KRABD4: variants seen among roughly 807,000 people sequenced by gnomAD.
KRABD4 encodes KRAB domain containing 4.
the KRABD4 span, chrX:46,471,193 C>G: frequency 9.6e-6 from 11 of 1,150,388 alleles, no homozygotes; most frequent in Non-Finnish European, 8.1e-6. Flanking sequence ...TAGGTACATA[C>G]ACTTTTAGGA....
chrX:46,473,408 A>C, the KRABD4 span: 1 of 1,183,537 alleles, frequency 8.4e-7, no homozygotes, highest in Non-Finnish European at 1.1e-6. Context: ...ATTCATATGG[A>C]GAGAGACCCT....
chrX:46,460,310 A>C, the KRABD4 span, among the ~76,000 whole-genome samples: 1 of 109,371 alleles, frequency 9.1e-6, no homozygotes, highest in Non-Finnish European at 1.9e-5. Context: ...CTAGCTACTC[A>C]GGAGGCTGAG....
At chrX:46,457,359 G>C in the KRABD4 span, among the ~76,000 whole-genome samples, 1 of 111,742 alleles carries the variant, frequency 8.9e-6, no homozygotes, top group Non-Finnish European at 1.9e-5. Flanking sequence ...GAGGCTGAGA[G>C]AAAATACATG....
At chrX:46,473,625 C>G in the KRABD4 span, 1 of 348,282 alleles carries the variant, frequency 2.9e-6, no homozygotes, top group East Asian at 4.8e-5. Flanking sequence ...CTGTCCTGCT[C>G]TTTCCTGCTC....
chrX:46,460,141 CAGGCAA>C, the KRABD4 span, among the ~76,000 whole-genome samples: 1 of 112,117 alleles, frequency 8.9e-6, no homozygotes, highest in Non-Finnish European at 1.9e-5. Flanking sequence ...AAGGATATTA[CAGGCAA>C]AGCGCGGTGG....
At chrX:46,448,698 C>T in the KRABD4 span, 1 of 113,188 alleles carries the variant, frequency 8.8e-6, no homozygotes, top group Non-Finnish European at 1.9e-5. Context: ...GGCAGGTGCC[C>T]TGCTGTAGTG....
chrX:46,459,325 G>A, the KRABD4 span, among the ~76,000 whole-genome samples: 913 of 94,395 alleles, frequency 9.7e-3, 14 homozygotes, highest in African/African-American at 0.028. Flanking sequence ...AAAAAAAAAA[G>A]AAAAAAAAAA....
At chrX:46,450,823 C>T in the KRABD4 span, among the ~76,000 whole-genome samples, 1 of 106,662 alleles carries the variant, frequency 9.4e-6, no homozygotes, top group Non-Finnish European at 1.9e-5. Flanking sequence ...CTGCCTCAGC[C>T]TTCTGAGTAG....
the KRABD4 span, among the ~76,000 whole-genome samples, chrX:46,464,553 C>T: frequency 2.7e-5 from 3 of 112,416 alleles, no homozygotes; most frequent in Admixed American, 2.8e-4. Flanking sequence ...GAGATCCTCC[C>T]TGTGCTGGCA....
At chrX:46,473,940 A>G in the KRABD4 span, 1 of 121,245 alleles carries the variant, frequency 8.2e-6, no homozygotes, top group Non-Finnish European at 1.7e-5. Flanking sequence ...GGCATGAGCC[A>G]CTGCACCCGG....
chrX:46,471,953 A>C, the KRABD4 span: 1 of 111,936 alleles, frequency 8.9e-6, no homozygotes. Flanking sequence ...TGTAGACATA[A>C]GTTTTCAACT....
At chrX:46,463,954 C>T in the KRABD4 span, among the ~76,000 whole-genome samples, 1 of 109,699 alleles carries the variant, frequency 9.1e-6, no homozygotes, top group Non-Finnish European at 1.9e-5. Flanking sequence ...TTCTCAGACT[C>T]TTACAAATCT....
the KRABD4 span, among the ~76,000 whole-genome samples, chrX:46,457,732 T>G: frequency 2.0e-5 from 2 of 101,103 alleles, no homozygotes; most frequent in Non-Finnish European, 4.0e-5. Flanking sequence ...GGTTTTTGTT[T>G]TTTGTTTGTT....
chrX:46,471,780 C>T, the KRABD4 span, among the ~76,000 whole-genome samples: 1 of 112,216 alleles, frequency 8.9e-6, no homozygotes, highest in African/African-American at 3.2e-5. Flanking sequence ...GTTTAAGTTT[C>T]CTCCATGTCC....
chrX:46,449,455 T>C, the KRABD4 span, among the ~76,000 whole-genome samples: 1 of 112,435 alleles, frequency 8.9e-6, no homozygotes, highest in Admixed American at 9.4e-5. Flanking sequence ...TTTTAATTTT[T>C]GTTTTACTAG....
the KRABD4 span, among the ~76,000 whole-genome samples, chrX:46,447,734 T>C: frequency 1.8e-5 from 2 of 112,324 alleles, no homozygotes; most frequent in African/African-American, 6.5e-5. Flanking sequence ...TTTCGTGTTA[T>C]AGAGAGAAAA....
chrX:46,472,997 TAAGA>T, the KRABD4 span: 2 of 1,211,118 alleles, frequency 1.7e-6, no homozygotes, highest in East Asian at 3.0e-5. Context: ...GGAAGCTATG[TAAGA>T]AAGAAAGATG....
chrX:46,460,476 G>A, the KRABD4 span, among the ~76,000 whole-genome samples: 8 of 108,554 alleles, frequency 7.4e-5, no homozygotes, highest in African/African-American at 1.3e-4. Flanking sequence ...CAGATGAACC[G>A]CCAGATGGAA....
At chrX:46,460,985 T>C in the KRABD4 span, among the ~76,000 whole-genome samples, 1 of 96,889 alleles carries the variant, frequency 1.0e-5, no homozygotes, top group Non-Finnish European at 2.0e-5. Context: ...CTAACAGTCA[T>C]CTCATTAGCA....
Sources: allele counts gnomAD v4.1 joint callset (sites outside exome capture counted in the v4.1 genomes callset), GRCh38; gene constraint gnomAD v4.1.1; transcripts MANE v1.5; gene names NCBI Gene and HGNC (gene_info 2026-07-23, HGNC 2026-07-21).